The following PTCH1 variants were observed in gnomAD, a reference collection of about 807,000 sequenced individuals.
PTCH1 encodes protein patched homolog 1.
A neutral mutation model predicts 144.6 loss-of-function variants in PTCH1; 14 were observed. That is an observed-to-expected ratio of 0.10 (90% CI 0.06 to 0.15). PTCH1 has a LOEUF of 0.15. Among genes scored for constraint, PTCH1 ranks in the 10% least tolerant of loss-of-function variants. The probability of loss-of-function intolerance (pLI) is 1.00; values close to 1 mark genes in which losing one functional copy is unlikely to be tolerated. For missense variants in PTCH1, 1,623 were observed against 1,948.3 expected (o/e 0.83, Z 3.14); for synonymous variants, 833 against 793.6 (o/e 1.05, Z -0.83).
intron 20 of PTCH1, 127 bp from the exon 21 acceptor site, chr9:95,450,067 T>TA (rs1838332586): frequency 1.2e-6 from 1 of 841,042 alleles, no homozygotes; most frequent in Non-Finnish European, 2.0e-6. Context: ...AAAAGGCTGT[T>TA]ATCCAACCGC....
At chr9:95,505,754 T>G (rs1843529775) in intron 2 of PTCH1, among the ~76,000 whole-genome samples, 1 of 151,890 alleles carries the variant, frequency 6.6e-6, no homozygotes, top group East Asian at 1.9e-4. Flanking sequence ...TTACTATTTT[T>G]TTTTCCACTC....
In PTCH1 at chr9:95,449,264, G is replaced by C. The variant is rs200843188; in HGVS notation, c.3609C>G (p.Ser1203Arg). Residue 1203 changes from serine (S) to arginine (R), a missense_variant, in exon 22 of 24, where the codon AGC (serine) becomes AGG (arginine). This residue lies in a region of PTCH1 where 504 missense variants were observed against 679.3 expected (regional missense o/e 0.74). Transcript: ENST00000331920. This position sits in a 1 kb window ranked among gnomAD's most constrained non-coding sequence, Gnocchi z 5.3. ...CGGGCGGCATGGCGAAGCGGACCAC[G>C]CTGGGGGGTGGCTCAGGGGAGGGTG... ...LPTPSPEPPP[S>R]VVRFAMPPGH... 6.4e-7 allele frequency: 1 copy of C among 1,564,686 alleles called. No homozygotes were observed. Among genetic ancestry groups the C allele is most frequent in the East Asian group, 2.4e-5 (1 of 42,386 alleles).
intron 20 of PTCH1, chr9:95,450,189 A>G: frequency 3.8e-6 from 2 of 529,436 alleles, no homozygotes; most frequent in South Asian, 4.1e-5. Context: ...GAAAAAAAAA[A>G]TTAGTTTGTT....
At position 95,446,207 on chromosome 9, in the gene PTCH1, A is replaced by C. The variant is rs977327674; in HGVS notation, c.*186T>G. ...TCCTTCCTATATTACACATGTGTAC[A>C]TCTCTTAAATATTTATAGAAATATT... On this transcript the variant is annotated 3_prime_UTR_variant, in exon 24 of 24. Transcript: ENST00000331920. 8.7e-5 allele frequency: 33 copies of C among 378,578 alleles called. No individual in the cohort carries two copies. The highest frequency in any genetic ancestry group is 1.7e-4 in the Non-Finnish European group (32 of 193,056). 23.5% of individuals were successfully genotyped at this position (378,578 alleles called of 1,614,324 possible). A position where few individuals can be genotyped will look rare whatever the true frequency, so the allele number is the denominator to read the frequency against.
chr9:95,494,177 C>T, intron 2 of PTCH1: 1 of 984,082 alleles, frequency 1.0e-6, no homozygotes, highest in Non-Finnish European at 1.2e-6. Context: ...AGCAAGCTTC[C>T]CCGCCCCCAC....
At chr9:95,506,754 G>T in intron 1 of PTCH1, 155 bp from the exon 2 acceptor site, 1 of 1,055,726 alleles carries the variant, frequency 9.5e-7, no homozygotes, top group Non-Finnish European at 1.2e-6. Context: ...CAGCCCCGGC[G>T]GATCTGAGCG....
At chr9:95,469,623 G>C (rs1438368818) in intron 13 of PTCH1, among the ~76,000 whole-genome samples, 190 bp downstream of exon 13, 4 of 152,136 alleles carry the variant, frequency 2.6e-5, no homozygotes, top group African/African-American at 9.7e-5. Context: ...AGCTGCGGCA[G>C]GGGAGAAGGA....
In PTCH1 at chr9:95,481,827, T is replaced by C. The variant is rs1056566825; in HGVS notation, c.746+122A>G. Reference sequence around the variant, plus strand: ...CGACTATTCACTCAAAAAATGCACATGGAATTTCAATGTTTTTATTTCTTG... The same window carrying C: ...CGACTATTCACTCAAAAAATGCACACGGAATTTCAATGTTTTTATTTCTTG... On this transcript the variant is annotated intron_variant, in intron 5 of 23. Coordinates refer to ENST00000331920, the MANE Select transcript of PTCH1 (RefSeq NM_000264.5). The C allele has an allele frequency of 1.1e-5, 11 of 960,402 alleles. No homozygotes were observed. The African/African-American group carries it at 1.6e-4, about 14-fold the overall frequency. 59.5% of individuals were successfully genotyped at this position (960,402 alleles called of 1,614,324 possible). A position where few individuals can be genotyped will look rare whatever the true frequency, so the allele number is the denominator to read the frequency against.
chr9:95,455,972 G>A (rs900323232), intron 19 of PTCH1, among the ~76,000 whole-genome samples: 1 of 152,194 alleles, frequency 6.6e-6, no homozygotes, highest in Non-Finnish European at 1.5e-5. Context: ...CAGGAATCGT[G>A]GGGGTATAAT....
intron 23 of PTCH1, 191 bp from the exon 24 acceptor site, chr9:95,446,582 C>T: frequency 2.2e-6 from 1 of 460,112 alleles, no homozygotes; most frequent in Non-Finnish European, 4.1e-6. Flanking sequence ...GGATGCGTTC[C>T]CATGTGACCA....
Position 95,460,467 on chromosome 9 carries a change from C to T in PTCH1, c.2704-684G>A, listed in dbSNP as rs145470848. The stretch of plus-strand genomic sequence containing the variant: ...CTGTGGGACTCAGTATGTGTTTGTA[C>T]GTTTTATATACATAGAAAAATTCCG... On this transcript the variant is annotated intron_variant, in intron 16 of 23. Transcript: ENST00000331920. Among the ~76,000 whole-genome samples, 727 of 152,182 alleles carry T rather than the reference C, an allele frequency of 4.8e-3. 12 individuals carry two copies. The highest frequency in any genetic ancestry group is 0.031 in the East Asian group (161 of 5,174).
intron 2 of PTCH1, among the ~76,000 whole-genome samples, chr9:95,504,545 G>C (rs571992628): frequency 1.2e-3 from 188 of 152,186 alleles, no homozygotes; most frequent in African/African-American, 4.1e-3. Context: ...GGATGAGCCG[G>C]CCCTCCCTGT....
chr9:95,507,923 C>T (rs929142110), intron 1 of PTCH1: 5 of 1,415,812 alleles, frequency 3.5e-6, no homozygotes, highest in Admixed American at 2.3e-5. Context: ...CACACACGCA[C>T]ACACACACAC....
chr9:95,475,182 C>T (rs1840916572), intron 12 of PTCH1, among the ~76,000 whole-genome samples: 1 of 152,194 alleles, frequency 6.6e-6, no homozygotes, highest in Admixed American at 6.5e-5. Context: ...CAGTAATTTA[C>T]TCCAGGCGCA....
intron 2 of PTCH1, among the ~76,000 whole-genome samples, chr9:95,491,284 G>A (rs2118652071): frequency 6.6e-6 from 1 of 152,338 alleles, no homozygotes; most frequent in Non-Finnish European, 1.5e-5. Flanking sequence ...CAGTGAGAAT[G>A]GAAACCGGAA....
chr9:95,506,684 A>C, intron 1 of PTCH1, 85 bp from the exon 2 acceptor site: 92 of 1,086,576 alleles, frequency 8.5e-5, no homozygotes, highest in Non-Finnish European at 9.0e-5. Context: ...CCGCCCGGTG[A>C]GCCCCCAACA....
chr9:95,467,085 G>A lies in PTCH1; in HGVS notation c.2560+31C>T, dbSNP rs753742035. 10 of 1,609,584 alleles carry A rather than the reference G, an allele frequency of 6.2e-6. No homozygotes were observed. The Admixed American group carries it at 6.7e-5, about 11-fold the overall frequency. ...GTTGAAGCTGAACACGCAAAAGACC[G>A]AAAGGACGAGAGCCTCCCACGCCGT... On this transcript the variant is annotated intron_variant, in intron 15 of 23. Transcript: ENST00000331920.
intron 2 of PTCH1, among the ~76,000 whole-genome samples, chr9:95,489,612 A>G (rs1311970987): frequency 6.6e-6 from 1 of 152,148 alleles, no homozygotes; most frequent in African/African-American, 2.4e-5. Flanking sequence ...TTGGCCTCCC[A>G]AAGTGCTGGG....
upstream of PTCH1, among the ~76,000 whole-genome samples, chr9:95,512,919 T>TGAGGAA (rs908170447): frequency 1.1e-4 from 16 of 152,324 alleles, no homozygotes; most frequent in African/African-American, 3.6e-4. Flanking sequence ...CCTTTCCAAG[T>TGAGGAA]AAAGTTCATC....
Sources: allele counts gnomAD v4.1 joint callset (sites outside exome capture counted in the v4.1 genomes callset), GRCh38; gene constraint gnomAD v4.1.1; regional missense constraint gnomAD v4.1.1; non-coding constraint Gnocchi (gnomAD v3.1); transcripts MANE v1.5; gene names NCBI Gene and HGNC (gene_info 2026-07-23, HGNC 2026-07-21).